PCDHGB1: variants seen among roughly 807,000 people sequenced by gnomAD.
PCDHGB1 encodes protocadherin gamma-B1.
Under a neutral mutation model 56.6 loss-of-function variants are expected in PCDHGB1, and 34 were observed. The observed-to-expected ratio is 0.60, with a 90% CI of 0.46 to 0.80. The LOEUF (loss-of-function observed/expected upper bound fraction) is 0.80. Among genes scored for constraint, PCDHGB1 ranks in the 30% least tolerant of loss-of-function variants. The pLI is 0.00. For synonymous variants in PCDHGB1, 561 were observed against 505.9 expected (o/e 1.11, Z -1.46); for missense variants, 1,278 against 1,204.6 (o/e 1.06, Z -0.90).
At chr5:141,407,309 A>C (rs1197028846) in intron 1 of PCDHGB1, among the ~76,000 whole-genome samples, 1 of 152,240 alleles carries the variant, frequency 6.6e-6, no homozygotes, top group African/African-American at 2.4e-5. Flanking sequence ...AGTAGCCTTC[A>C]TACTTAGTAT....
intron 1 of PCDHGB1, chr5:141,391,637 G>T (rs2092401462): frequency 1.3e-5 from 2 of 152,192 alleles, no homozygotes; most frequent in Admixed American, 6.5e-5. Flanking sequence ...TTTAGTCAGT[G>T]AAAAAACTAT....
chr5:141,490,473 T>C lies in PCDHGB1; in HGVS notation c.2410-4334T>C. 6.2e-7 allele frequency: 1 copy of C among 1,614,228 alleles called. No homozygotes were observed. Among genetic ancestry groups the C allele is most frequent in the East Asian group, 2.2e-5 (1 of 44,878 alleles). On this transcript the variant is annotated intron_variant, in intron 1 of 3. Transcript: ENST00000523390. This position sits in a 1 kb window ranked among gnomAD's most constrained non-coding sequence, Gnocchi z 5.4. ...ACTACTCGCTGCTAACCAGCCAGCC[T>C]TTGGACCGGGAGGCCACATCCCACT...
Position 141,403,252 on chromosome 5 carries a change from G to A in PCDHGB1, c.2409+50583G>A, listed in dbSNP as rs180687908. 8.6e-4 allele frequency: 1,389 copies of A among 1,613,900 alleles called. 2 individuals carry two copies. Among genetic ancestry groups the A allele is most frequent in the Non-Finnish European group, 1.1e-3 (1,338 of 1,179,904 alleles). On this transcript the variant is annotated intron_variant, in intron 1 of 3. Transcript: ENST00000523390. Reference sequence around the variant, plus strand: ...GGGAGGAGCTCTGTGCTCAGAGCCCGCGGTGTCTGGTGAACTTTAAAGTCC... The same window carrying A: ...GGGAGGAGCTCTGTGCTCAGAGCCCACGGTGTCTGGTGAACTTTAAAGTCC...
chr5:141,392,968 T>C (rs748824740), intron 1 of PCDHGB1: 1 of 1,613,910 alleles, frequency 6.2e-7, no homozygotes, highest in Non-Finnish European at 8.5e-7. Context: ...TCCAAGGACC[T>C]GGGGCTGGAC....
chr5:141,511,412 C>A lies in PCDHGB1; in HGVS notation c.*239C>A. 1.1e-6 allele frequency: 1 copy of A among 892,000 alleles called. No homozygotes were observed. Among genetic ancestry groups the A allele is most frequent in the Non-Finnish European group, 1.6e-6 (1 of 609,476 alleles). The allele number at this position is 892,000 out of a possible 1,614,324, so 55.3% of individuals were successfully genotyped here. On this transcript the variant is annotated 3_prime_UTR_variant, in exon 4 of 4. Coordinates refer to ENST00000523390, the MANE Select transcript of PCDHGB1 (RefSeq NM_018922.3). ...AACCCCCATCCAATCAACTGCTGTA[C>A]CCATGGGGGTAGTGGGGTTACTGTA...
chr5:141,502,037 C>T (rs2154593041), intron 2 of PCDHGB1, among the ~76,000 whole-genome samples: 1 of 152,302 alleles, frequency 6.6e-6, no homozygotes, highest in East Asian at 1.9e-4. Context: ...CGCCGCTTGC[C>T]TGCTCTCCCT....
At chr5:141,429,169 T>TACACACACACACACACACAAAC (rs2097191391) in intron 1 of PCDHGB1, 1 of 145,394 alleles carries the variant, frequency 6.9e-6, no homozygotes, top group East Asian at 2.0e-4. Flanking sequence ...ACATTGTTTA[T>TACACACACACACACACACAAAC]ACACACACAC....
In PCDHGB1 at chr5:141,357,153, G is replaced by C; in HGVS notation, c.2409+4484G>C. On this transcript the variant is annotated intron_variant, in intron 1 of 3. Coordinates refer to ENST00000523390, the MANE Select transcript of PCDHGB1 (RefSeq NM_018922.3). ...TAGTGGTCGTCCAGGACCATGGCCA[G>C]CCCCCTCTCTCGGCCACCGTCACAC... is the stretch of plus-strand genomic sequence containing the variant. The C allele has an allele frequency of 1.9e-6, 3 of 1,613,624 alleles. No homozygotes were observed. The South Asian group carries it at 3.3e-5, about 18-fold the overall frequency.
intron 1 of PCDHGB1, chr5:141,361,795 G>C (rs750920407): frequency 1.9e-6 from 3 of 1,613,220 alleles, no homozygotes; most frequent in Non-Finnish European, 2.5e-6. Flanking sequence ...GTTAGTGGGC[G>C]ACCTCAATGA....
Position 141,350,722 on chromosome 5 carries a change from T to C in PCDHGB1, c.462T>C (p.Ala154=), listed in dbSNP as rs371225641. Residue 154 remains alanine (A), a synonymous_variant, in exon 1 of 4, where the codon GCT becomes GCC. Coordinates refer to ENST00000523390, the MANE Select transcript of PCDHGB1 (RefSeq NM_018922.3). The stretch of plus-strand genomic sequence containing the variant: ...GGGTAAAATTCTCTCTGGATTCTGC[T>C]CAAGATGCAGATGTGGAAGGCAATT... ...LPGVKFSLDS[A]QDADVEGNSL... The C allele has an allele frequency of 5.0e-6, 8 of 1,613,840 alleles. No homozygotes were observed. The highest frequency in any genetic ancestry group is 6.8e-6 in the Non-Finnish European group (8 of 1,179,904).
At chr5:141,365,050 C>A (rs1763704245) in intron 1 of PCDHGB1, 1 of 1,613,882 alleles carries the variant, frequency 6.2e-7, no homozygotes, top group African/African-American at 1.3e-5. Flanking sequence ...ACAATGCGCC[C>A]CTGTTCACCC....
chr5:141,504,752 A>G (rs1194764381), intron 2 of PCDHGB1, among the ~76,000 whole-genome samples: 23 of 151,894 alleles, frequency 1.5e-4, no homozygotes, highest in Non-Finnish European at 3.2e-4. Flanking sequence ...TGAATTTTAG[A>G]AATTTCTTCT....
intron 1 of PCDHGB1, among the ~76,000 whole-genome samples, chr5:141,446,193 T>C (rs1402824950): frequency 6.6e-6 from 1 of 152,208 alleles, no homozygotes; most frequent in East Asian, 1.9e-4. Flanking sequence ...TTTATTATTA[T>C]ATTCCTAGGT....
chr5:141,399,991 G>A (rs1226741326), intron 1 of PCDHGB1: 1 of 1,612,422 alleles, frequency 6.2e-7, no homozygotes. Context: ...CACAGGAGAG[G>A]TGCGCACAGC....
rs1317699369 is a variant in PCDHGB1 at position 141,477,408 on chromosome 5, A to G, written c.2410-17399A>G. The G allele has an allele frequency of 6.2e-7, 1 of 1,614,098 alleles. No homozygotes were observed. ...TACAACCTCAGCATCACCGCCCGAG[A>G]CGCCGGAACCCCTTCCCTCTCAGCC... On this transcript the variant is annotated intron_variant, in intron 1 of 3. Transcript: ENST00000523390. This position sits in a 1 kb window ranked among gnomAD's most constrained non-coding sequence, Gnocchi z 4.9.
chr5:141,414,078 T>C lies in PCDHGB1; in HGVS notation c.2409+61409T>C, dbSNP rs777190406. 3.1e-6 allele frequency: 5 copies of C among 1,603,326 alleles called. No individual in the cohort carries two copies. In the South Asian group the frequency reaches 4.5e-5, roughly 14 times the overall value. ...TGTTGAAGTTCCAACTAAACAAATA[T>C]ACTGGAGAAATAAAAATATCAGAAA... On this transcript the variant is annotated intron_variant, in intron 1 of 3. Transcript: ENST00000523390.
At chr5:141,475,988 A>C (rs1197163866) in intron 1 of PCDHGB1, 29 of 1,114,786 alleles carry the variant, frequency 2.6e-5, no homozygotes, top group Non-Finnish European at 3.2e-5. Context: ...GCCGGCGAGC[A>C]AATCAACGGC....
At chr5:141,492,974 C>G (rs1479838959) in intron 1 of PCDHGB1, among the ~76,000 whole-genome samples, 1 of 152,244 alleles carries the variant, frequency 6.6e-6, no homozygotes, top group Non-Finnish European at 1.5e-5. Flanking sequence ...CTAACAAGTC[C>G]TGTCTCCTCT....
chr5:141,478,736 T>C (rs2099474016), intron 1 of PCDHGB1: 1 of 1,534,678 alleles, frequency 6.5e-7, no homozygotes, highest in African/African-American at 1.4e-5. Flanking sequence ...GTGTGGTTTG[T>C]GGTCCCATTT....
Sources: allele counts gnomAD v4.1 joint callset (sites outside exome capture counted in the v4.1 genomes callset), GRCh38; gene constraint gnomAD v4.1.1; non-coding constraint Gnocchi (gnomAD v3.1); transcripts MANE v1.5; gene names NCBI Gene and HGNC (gene_info 2026-07-23, HGNC 2026-07-21).